VPS13C: variants seen among roughly 807,000 people sequenced by gnomAD.
VPS13C encodes intermembrane lipid transfer protein VPS13C.
A neutral mutation model predicts 456.8 loss-of-function variants in VPS13C; 358 were observed. The observed-to-expected ratio is 0.78, with a 90% CI of 0.72 to 0.86. The LOEUF (loss-of-function observed/expected upper bound fraction) is 0.86. VPS13C is among the 40% of genes least tolerant of loss of function. The probability of loss-of-function intolerance (pLI) is 0.00; values close to 1 mark genes in which losing one functional copy is unlikely to be tolerated. For synonymous variants in VPS13C, 1,578 were observed against 1,486.7 expected, an observed-to-expected ratio of 1.06 and a Z score of -1.41; for missense variants, 4,818 against 4,385.4, an observed-to-expected ratio of 1.10 and a Z score of -2.79.
chr15:61,863,826 C>A, intron 81 of VPS13C: 1 of 230,356 alleles, frequency 4.3e-6, no homozygotes, highest in Non-Finnish European at 8.5e-6. Flanking sequence ...GCAATTATCA[C>A]ACACTTTAAT....
chr15:61,897,902 G>T (rs142758647), intron 66 of VPS13C, among the ~76,000 whole-genome samples: 20 of 152,114 alleles, frequency 1.3e-4, no homozygotes, highest in Admixed American at 7.9e-4. Flanking sequence ...ACAGCGGATC[G>T]CTCGGCAGAA....
chr15:61,969,537 A>G (rs2045482653), intron 27 of VPS13C, 85 bp from the exon 28 acceptor site: 3 of 896,732 alleles, frequency 3.3e-6, no homozygotes, highest in South Asian at 2.9e-5. Context: ...CTCCATACAC[A>G]TCACCATGAG....
At position 61,867,378 on chromosome 15, in the gene VPS13C, C is replaced by T; in HGVS notation, c.10863+1281G>A. On this transcript the variant is annotated intron_variant, in intron 81 of 84. Coordinates refer to ENST00000644861, the MANE Select transcript of VPS13C (RefSeq NM_020821.3). This position sits in a 1 kb window ranked among gnomAD's most constrained non-coding sequence, Gnocchi z 5.0. ...GAAACATATCCTCAAAATTCATGTG[C>T]CAACTATTTATTACTTGAGGTCTAA... The T allele has an allele frequency of 1.0e-6, 1 of 985,264 alleles. No homozygotes were observed. Among genetic ancestry groups the T allele is most frequent in the African/African-American group, 1.7e-5 (1 of 57,304 alleles). 61.0% of individuals were successfully genotyped at this position (985,264 alleles called of 1,614,324 possible). A position where few individuals can be genotyped will look rare whatever the true frequency, so the allele number is the denominator to read the frequency against.
chr15:62,036,285 A>C (rs762975842), intron 3 of VPS13C, among the ~76,000 whole-genome samples: 28 of 152,016 alleles, frequency 1.8e-4, no homozygotes, highest in Non-Finnish European at 3.8e-4. Context: ...TTTTCATTTA[A>C]AATCATTTTT....
chr15:61,979,380 C>T (rs1449719798), intron 22 of VPS13C, among the ~76,000 whole-genome samples: 2 of 152,096 alleles, frequency 1.3e-5, no homozygotes, highest in East Asian at 1.9e-4. Flanking sequence ...AAGATTAAGG[C>T]TTCAGTTTGA....
At position 62,007,421 on chromosome 15, in the gene VPS13C, A is replaced by C; in HGVS notation, c.1177T>G (p.Trp393Gly). Residue 393 changes from tryptophan (W) to glycine (G), a missense_variant, in exon 15 of 85, where the codon TGG becomes GGG. Physicochemically the swap from Trp to Gly is radical, Grantham distance 184. Transcript: ENST00000644861. ...TGCTTTTTTATGTTACTCCATGACCACATCTGTGTATACCTTCTTATATGA... is the reference window on the plus strand; with the variant it reads ...TGCTTTTTTATGTTACTCCATGACCCCATCTGTGTATACCTTCTTATATGA... ...EVHIRRYTQM[W>G]SWSNIKKHRQ... The C allele has an allele frequency of 6.2e-7, 1 of 1,612,760 alleles. No individual in the cohort carries two copies. The highest frequency in any genetic ancestry group is 8.5e-7 in the Non-Finnish European group (1 of 1,179,460).
At chr15:62,014,856 A>G (rs965121607) in intron 9 of VPS13C, among the ~76,000 whole-genome samples, 1 of 152,128 alleles carries the variant, frequency 6.6e-6, no homozygotes, top group African/African-American at 2.4e-5. Context: ...AGGGAATGGT[A>G]AATTCTAAGA....
chr15:61,994,045 T>A (rs945053634), intron 16 of VPS13C, among the ~76,000 whole-genome samples: 1 of 152,168 alleles, frequency 6.6e-6, no homozygotes, highest in Non-Finnish European at 1.5e-5. Flanking sequence ...GCTTTCCCTT[T>A]CCCTCAATTA....
At chr15:61,870,354 A>G (rs1596273703) in intron 79 of VPS13C, among the ~76,000 whole-genome samples, 1 of 152,142 alleles carries the variant, frequency 6.6e-6, no homozygotes, top group East Asian at 1.9e-4. Context: ...CCTATTCTGG[A>G]CATTTCAGAC....
At chr15:61,944,160 G>C (rs2044526576) in intron 45 of VPS13C, among the ~76,000 whole-genome samples, 1 of 152,162 alleles carries the variant, frequency 6.6e-6, no homozygotes, top group African/African-American at 2.4e-5. Flanking sequence ...GGAGACTGCA[G>C]AGAGAAGAGA....
At chr15:61,889,983 G>C (rs1294789328) in intron 67 of VPS13C, among the ~76,000 whole-genome samples, 182 bp downstream of exon 67, 2 of 152,102 alleles carry the variant, frequency 1.3e-5, no homozygotes, top group Non-Finnish European at 2.9e-5. Context: ...CAATATCTTA[G>C]TCATCTTTCT....
Position 61,977,199 on chromosome 15 carries a change from T to G in VPS13C, c.2291A>C (p.Glu764Ala), listed in dbSNP as rs372330573. Residue 764 changes from glutamate (E) to alanine (A), a missense_variant and splice_region_variant, in exon 24 of 85, where the codon GAG becomes GCG. Physicochemically the swap from Glu to Ala is moderately radical, Grantham distance 107. Coordinates refer to ENST00000644861, the MANE Select transcript of VPS13C (RefSeq NM_020821.3). ...AAATCGACACTTTTTCCAGGTTTCC[T>G]CTTTAAAAAATAATTTAAGATATTA... ...KNVQLLFARA[E>A]ETWKKCRFQH... is the part of the protein sequence containing the mutation. 1.5e-5 allele frequency: 23 copies of G among 1,529,306 alleles called. No individual in the cohort carries two copies. In the African/African-American group the frequency reaches 3.1e-4, roughly 21 times the overall value. 94.7% of individuals were successfully genotyped at this position (1,529,306 alleles called of 1,614,324 possible).
intron 28 of VPS13C, among the ~76,000 whole-genome samples, chr15:61,967,704 A>C (rs1274948847): frequency 1.5e-5 from 2 of 135,328 alleles, no homozygotes; most frequent in Non-Finnish European, 3.5e-5. Flanking sequence ...AAATTCTGAC[A>C]AATAATTTAT....
intron 61 of VPS13C, among the ~76,000 whole-genome samples, chr15:61,914,390 G>A (rs2043397752): frequency 6.6e-6 from 1 of 151,850 alleles, no homozygotes; most frequent in Non-Finnish European, 1.5e-5. Flanking sequence ...CCAACATGGT[G>A]AAATCCCATC....
intron 73 of VPS13C, 37 bp from the exon 74 acceptor site, chr15:61,878,783 A>G (rs1895646970): frequency 6.4e-7 from 1 of 1,568,412 alleles, no homozygotes; most frequent in Non-Finnish European, 8.6e-7. Flanking sequence ...TGAAAGCTAA[A>G]AGTGAAAAAT....
chr15:61,984,228 C>T (rs181752323), intron 19 of VPS13C, among the ~76,000 whole-genome samples: 15 of 152,150 alleles, frequency 9.9e-5, no homozygotes, highest in East Asian at 3.9e-4. Context: ...CTTTCATCTA[C>T]GTGAAAAACT....
chr15:61,856,988 T>A (rs1893951912), intron 82 of VPS13C, among the ~76,000 whole-genome samples: 1 of 152,142 alleles, frequency 6.6e-6, no homozygotes, highest in Non-Finnish European at 1.5e-5. Context: ...TCACAGAGTA[T>A]CTTATTTTAC....
chr15:61,937,145 T>C (rs929069715), intron 47 of VPS13C, among the ~76,000 whole-genome samples: 2 of 152,198 alleles, frequency 1.3e-5, no homozygotes, highest in Non-Finnish European at 2.9e-5. Flanking sequence ...AGGACGAGTG[T>C]TGTTCAGTTT....
chr15:61,913,526 G>A, intron 61 of VPS13C, 111 bp from the exon 62 acceptor site: 1 of 835,088 alleles, frequency 1.2e-6, no homozygotes, highest in East Asian at 2.7e-5. Context: ...GTGGGACACA[G>A]AAATATATAA....
Sources: allele counts gnomAD v4.1 joint callset (sites outside exome capture counted in the v4.1 genomes callset), GRCh38; gene constraint gnomAD v4.1.1; non-coding constraint Gnocchi (gnomAD v3.1); transcripts MANE v1.5; gene names NCBI Gene and HGNC (gene_info 2026-07-23, HGNC 2026-07-21).